The following ANO5 variants were observed in gnomAD, a reference collection of about 807,000 sequenced individuals.
ANO5 encodes the protein anoctamin 5.
Under a neutral mutation model 121.0 loss-of-function variants are expected in ANO5, and 109 were observed. The ratio of observed to expected loss-of-function variants is 0.90; its 90% CI spans 0.77 to 1.06. The LOEUF is 1.06. ANO5 is among the 50% of genes least tolerant of loss of function. The pLI, the probability that ANO5 is intolerant of heterozygous loss-of-function variation, is 0.00. For synonymous variants in ANO5, 406 were observed against 359.9 expected (o/e 1.13, Z -1.45); for missense variants, 1,064 against 1,078.5 (o/e 0.99, Z 0.19).
chr11:22,207,328 T>A (rs1360932641), intron 2 of ANO5, among the ~76,000 whole-genome samples: 1 of 152,104 alleles, frequency 6.6e-6, no homozygotes, highest in African/African-American at 2.4e-5. Context: ...GACTGTGTGA[T>A]ATTTGGAGAA....
At chr11:22,201,576 T>A (rs1851965188) in intron 1 of ANO5, among the ~76,000 whole-genome samples, 1 of 152,136 alleles carries the variant, frequency 6.6e-6, no homozygotes, top group Non-Finnish European at 1.5e-5. Flanking sequence ...ACTGGGTAAT[T>A]TATAAACAAT....
intron 17 of ANO5, among the ~76,000 whole-genome samples, chr11:22,266,237 A>G (rs1854361624): frequency 1.3e-5 from 2 of 152,138 alleles, no homozygotes; most frequent in Admixed American, 1.3e-4. Context: ...AGCTTCCGAA[A>G]TTTCTAGCCA....
intron 12 of ANO5, among the ~76,000 whole-genome samples, chr11:22,252,881 T>C (rs1037645418): frequency 2.6e-5 from 4 of 152,126 alleles, no homozygotes; most frequent in African/African-American, 7.2e-5. Context: ...TTCTAGGCAA[T>C]AGGAATTTAA....
chr11:22,246,647 G>A (rs1031887252), intron 9 of ANO5, among the ~76,000 whole-genome samples: 7 of 151,806 alleles, frequency 4.6e-5, no homozygotes, highest in Admixed American at 3.3e-4. Flanking sequence ...GACGATTCTG[G>A]TCAACATGGT....
intron 7 of ANO5, among the ~76,000 whole-genome samples, chr11:22,235,600 A>C (rs894683799): frequency 6.6e-6 from 1 of 152,190 alleles, no homozygotes; most frequent in Non-Finnish European, 1.5e-5. Context: ...ATGAGATTGA[A>C]TTCACAGAAA....
chr11:22,274,788 C>T (rs942406511), intron 20 of ANO5, 41 bp downstream of exon 20: 1 of 1,599,386 alleles, frequency 6.3e-7, no homozygotes, highest in South Asian at 1.1e-5. Flanking sequence ...AGTTTTATCC[C>T]TTAAGCGTAT....
Position 22,279,781 on chromosome 11 carries a change from A to ATTC in ANO5, c.*16_*17insTTC, listed in dbSNP as rs1312779643. 5 of 1,601,258 alleles carry ATTC rather than the reference A, an allele frequency of 3.1e-6. No homozygotes were observed. The highest frequency in any genetic ancestry group is 1.3e-5 in the African/African-American group (1 of 74,628). ...AACACTCTAATCAGTATAGTGAGGA[A>ATTC]GCAGCAGGTGATCTGCCTTACTTCA... On this transcript the variant is annotated 3_prime_UTR_variant, in exon 22 of 22. Transcript: ENST00000324559.
At chr11:22,232,423 G>T (rs1021369817) in intron 7 of ANO5, among the ~76,000 whole-genome samples, 1 of 151,744 alleles carries the variant, frequency 6.6e-6, no homozygotes, top group African/African-American at 2.4e-5. Context: ...CTTGATCTGA[G>T]TCCTTTATTC....
At chr11:22,253,452 T>C (rs1294778806) in intron 12 of ANO5, among the ~76,000 whole-genome samples, 2 of 152,170 alleles carry the variant, frequency 1.3e-5, no homozygotes, top group Non-Finnish European at 2.9e-5. Flanking sequence ...TAGCAGTATG[T>C]ATATGACATC....
intron 18 of ANO5, among the ~76,000 whole-genome samples, chr11:22,272,104 A>G (rs944035523): frequency 1.3e-5 from 2 of 152,040 alleles, no homozygotes; most frequent in Admixed American, 6.6e-5. Flanking sequence ...TGTTAATAGC[A>G]TGGGTTATTT....
At chr11:22,193,567 A>G in intron 1 of ANO5, 35 bp downstream of exon 1, 1 of 1,606,176 alleles carries the variant, frequency 6.2e-7, no homozygotes, top group Non-Finnish European at 8.5e-7. Context: ...AGGGAGAGCC[A>G]GGCTGGCTGC....
At chr11:22,204,679 A>T (rs889743370) in intron 2 of ANO5, among the ~76,000 whole-genome samples, 1 of 152,044 alleles carries the variant, frequency 6.6e-6, no homozygotes, top group African/African-American at 2.4e-5. Context: ...GGCTATTGTT[A>T]AAAAAATCAA....
chr11:22,270,262 G>C (rs755464228), intron 17 of ANO5, 50 bp from the exon 18 acceptor site: 18 of 1,605,144 alleles, frequency 1.1e-5, no homozygotes, highest in Non-Finnish European at 1.4e-5. Context: ...TTCTCTGATC[G>C]CTTTCTTTTT....
rs1214644355 is a variant in ANO5, at chr11:22,260,381, CT to C, written c.1630+642del. Among the ~76,000 whole-genome samples, 12 of 152,272 alleles carry C rather than the reference CT, an allele frequency of 7.9e-5. No homozygotes were observed. In the East Asian group the frequency reaches 2.1e-3, roughly 27 times the overall value. ...GAAACTCAAATCAAGGCATCAGCCT[CT>C]TCTCTGAGTGTTCTCTCCAGGGTTC... On this transcript the variant is annotated intron_variant, in intron 15 of 21. Coordinates refer to ENST00000324559, the MANE Select transcript of ANO5 (RefSeq NM_213599.3).
intron 7 of ANO5, among the ~76,000 whole-genome samples, chr11:22,229,146 A>G (rs1456912248): frequency 1.3e-5 from 2 of 151,758 alleles, no homozygotes; most frequent in Non-Finnish European, 2.9e-5. Context: ...GTCCTCTCCA[A>G]CGTCCTCTCC....
Position 22,282,434 on chromosome 11 carries a change from G to T in ANO5, c.*2669G>T, listed in dbSNP as rs1023292251. 1 of 152,080 alleles carries T rather than the reference G, an allele frequency of 6.6e-6. No homozygotes were observed. Among genetic ancestry groups the T allele is most frequent in the Non-Finnish European group, 1.5e-5 (1 of 67,978 alleles). The allele number at this position is 152,080 out of a possible 1,614,324, so 9.4% of individuals were successfully genotyped here. On this transcript the variant is annotated 3_prime_UTR_variant, in exon 22 of 22. Transcript: ENST00000324559. The stretch of plus-strand genomic sequence containing the variant: ...TTGCTGTGTCTTTTGACACCTCTTA[G>T]CTTTAACATTCTTCTTTTAACCAAG...
chr11:22,192,837 C>A (rs1312350473), upstream of ANO5: 2 of 346,812 alleles, frequency 5.8e-6, no homozygotes, highest in Non-Finnish European at 8.1e-6. Flanking sequence ...GGCCGGGGGG[C>A]GGCGGGTCCC....
chr11:22,209,547 G>T (rs1261908197), intron 2 of ANO5, among the ~76,000 whole-genome samples: 1 of 151,826 alleles, frequency 6.6e-6, no homozygotes, highest in Non-Finnish European at 1.5e-5. Context: ...TTGGAGCTGG[G>T]ATTCTGAACA....
chr11:22,266,170 TA>T (rs1350891743), intron 17 of ANO5, among the ~76,000 whole-genome samples: 2 of 152,140 alleles, frequency 1.3e-5, no homozygotes, highest in South Asian at 2.1e-4. Flanking sequence ...AAATTTAAGA[TA>T]ATGGTTATGG....
Sources: gnomAD v4.1 joint callset for allele counts (sites outside exome capture counted in the v4.1 genomes callset) on GRCh38, gnomAD v4.1.1 for gene constraint, MANE v1.5 for transcripts, NCBI Gene and HGNC (gene_info 2026-07-23, HGNC 2026-07-21) for gene names.